The following GRIK5 variants were observed in gnomAD, a reference collection of about 807,000 sequenced individuals.
GRIK5 encodes glutamate ionotropic receptor kainate type subunit 5, also known as glutamate receptor ionotropic, kainate 5.
In GRIK5, 43 loss-of-function variants were observed where a neutral mutation model predicts 97.4. That is an observed-to-expected ratio of 0.44 (90% confidence interval 0.35 to 0.57). GRIK5 has a LOEUF of 0.57. GRIK5 is among the 20% of genes least tolerant of loss of function. GRIK5 has a pLI of 0.01. For synonymous variants in GRIK5, 580 were observed against 583.5 expected, an observed-to-expected ratio of 0.99 and a Z score of 0.09; for missense variants, 1,015 against 1,382.0, an observed-to-expected ratio of 0.73 and a Z score of 4.21.
rs1009364292 is a variant in GRIK5 at position 42,021,832 on chromosome 19, G to C, written c.1697+115C>G. The C allele has an allele frequency of 7.6e-6, 5 of 662,000 alleles. No individual in the cohort carries two copies. The South Asian group carries it at 9.5e-5, about 13-fold the overall frequency. The allele number at this position is 662,000 out of a possible 1,614,324, so 41.0% of individuals were successfully genotyped here. A position where few individuals can be genotyped will look rare whatever the true frequency, so the allele number is the denominator to read the frequency against. On this transcript the variant is annotated intron_variant, in intron 14 of 19. Transcript: ENST00000593562. The surrounding 1 kb of genome is among the most constrained non-coding windows in gnomAD (Gnocchi z 4.2). The stretch of plus-strand genomic sequence containing the variant: ...TGAGAAAGGAGGGCACAGGGAATCC[G>C]AGGCCCCAAAGGGGAGGCCAAGGAC...
rs1555872854 is a variant in GRIK5, at chr19:42,006,886, G to A, written c.1872-76C>T. ...GCCCCCGTGGCCATGCCCCCCATTGGTGGTGCCCCTCCCAAGTGACCCCAG... is the reference window on the plus strand; with the variant it reads ...GCCCCCGTGGCCATGCCCCCCATTGATGGTGCCCCTCCCAAGTGACCCCAG... On this transcript the variant is annotated intron_variant, in intron 15 of 19. Transcript: ENST00000593562. This position sits in a 1 kb window ranked among gnomAD's most constrained non-coding sequence, Gnocchi z 5.3. The A allele has an allele frequency of 9.0e-7, 1 of 1,110,906 alleles. No individual in the cohort carries two copies. Among genetic ancestry groups the A allele is most frequent in the East Asian group, 2.5e-5 (1 of 40,122 alleles). 68.8% of individuals were successfully genotyped at this position (1,110,906 alleles called of 1,614,324 possible). A position where few individuals can be genotyped will look rare whatever the true frequency, so the allele number is the denominator to read the frequency against.
Position 41,999,174 on chromosome 19 carries a change from G to A in GRIK5, c.2640C>T (p.Val880=), listed in dbSNP as rs1555870290. ...PSRALLSLRA[V]REMRLSNGKL... is the part of the protein sequence containing the mutation. ...TGCCGTTGCTGAGGCGCATCTCGCG[G>A]ACCGCGCGCAGTGACAGCAGGGCCC... The change falls in exon 20 of 20, where the codon GTC becomes GTT. Residue 880 remains valine, a synonymous_variant. Coordinates refer to ENST00000593562, the MANE Select transcript of GRIK5 (RefSeq NM_002088.5). The surrounding 1 kb of genome is among the most constrained non-coding windows in gnomAD (Gnocchi z 5.0). 5.3e-6 allele frequency: 8 copies of A among 1,507,930 alleles called. No homozygotes were observed. Among genetic ancestry groups the A allele is most frequent in the Non-Finnish European group, 6.2e-6 (7 of 1,136,480 alleles). 93.4% of individuals were successfully genotyped at this position (1,507,930 alleles called of 1,614,324 possible).
chr19:41,999,194 G>A lies in GRIK5; in HGVS notation c.2620C>T (p.Leu874=). The A allele has an allele frequency of 5.9e-6, 9 of 1,516,494 alleles. No homozygotes were observed. The highest frequency in any genetic ancestry group is 7.9e-6 in the Non-Finnish European group (9 of 1,139,552). The allele number at this position is 1,516,494 out of a possible 1,614,324, so 93.9% of individuals were successfully genotyped here. The change falls in exon 20 of 20, where the codon CTG becomes TTG. Residue 874 remains leucine, a synonymous_variant. Transcript: ENST00000593562. This position sits in a 1 kb window ranked among gnomAD's most constrained non-coding sequence, Gnocchi z 5.0. ...RRRPGGPSRA[L]LSLRAVREMR... ...TCGCGGACCGCGCGCAGTGACAGCA[G>A]GGCCCGGCTCGGGCCGCCCGGGCGT...
intron 15 of GRIK5, among the ~76,000 whole-genome samples, chr19:42,010,962 T>C (rs1266576459): frequency 6.6e-6 from 1 of 151,998 alleles, no homozygotes; most frequent in Non-Finnish European, 1.5e-5. Flanking sequence ...TGCATCACCA[T>C]GCCTGGCTAA....
At chr19:42,000,886 A>G (rs1227284299) in intron 19 of GRIK5, among the ~76,000 whole-genome samples, 1 of 151,994 alleles carries the variant, frequency 6.6e-6, no homozygotes, top group African/African-American at 2.4e-5. Flanking sequence ...ATGTGAGTGT[A>G]TTCATCATGT....
Position 42,042,945 on chromosome 19 carries a change from A to T in GRIK5, c.1270-190T>A. On this transcript the variant is annotated intron_variant, in intron 11 of 19. Transcript: ENST00000593562. This position sits in a 1 kb window ranked among gnomAD's most constrained non-coding sequence, Gnocchi z 6.9. ...AGACCTGAAAGCCAGGGAAAAACACATGGGTACTGCCAGTTCCTAGCAGAT... is the reference window on the plus strand; with the variant it reads ...AGACCTGAAAGCCAGGGAAAAACACTTGGGTACTGCCAGTTCCTAGCAGAT... 1 of 598,154 alleles carries T rather than the reference A, an allele frequency of 1.7e-6. No individual in the cohort carries two copies. The highest frequency in any genetic ancestry group is 1.9e-5 in the African/African-American group (1 of 53,966). The allele number at this position is 598,154 out of a possible 1,614,324, so 37.1% of individuals were successfully genotyped here. A position where few individuals can be genotyped will look rare whatever the true frequency, so the allele number is the denominator to read the frequency against.
At chr19:42,056,867 T>C (rs376842437) in intron 7 of GRIK5, 44 bp from the exon 8 acceptor site, 6 of 1,612,836 alleles carry the variant, frequency 3.7e-6, no homozygotes, top group Non-Finnish European at 5.1e-6. Context: ...TAAGCCCTAA[T>C]GGGACAGCTG....
At chr19:42,034,486 C>T (rs2075877656) in intron 12 of GRIK5, among the ~76,000 whole-genome samples, 1 of 152,032 alleles carries the variant, frequency 6.6e-6, no homozygotes, top group Non-Finnish European at 1.5e-5. Context: ...TTTTTCCCCT[C>T]AACCACACTT....
intron 11 of GRIK5, among the ~76,000 whole-genome samples, chr19:42,045,406 C>T (rs2076031140): frequency 6.6e-6 from 1 of 152,236 alleles, no homozygotes; most frequent in Non-Finnish European, 1.5e-5. Flanking sequence ...AGCCATTCTG[C>T]ACTTTCCAGT....
At chr19:42,056,850 C>CT (rs1438858850) in intron 7 of GRIK5, 27 bp from the exon 8 acceptor site, 19 of 1,613,864 alleles carry the variant, frequency 1.2e-5, no homozygotes, top group Middle Eastern at 1.6e-4. Context: ...GTGGTGAGGC[C>CT]TGGGGCTAAG....
At chr19:42,047,781 C>T (rs1444107469) in intron 11 of GRIK5, among the ~76,000 whole-genome samples, 1 of 151,692 alleles carries the variant, frequency 6.6e-6, no homozygotes, top group East Asian at 1.9e-4. Flanking sequence ...ACCAGCCTGG[C>T]CAATATGGTG....
chr19:42,029,167 A>G (rs944420906), intron 12 of GRIK5, among the ~76,000 whole-genome samples: 1 of 152,020 alleles, frequency 6.6e-6, no homozygotes, highest in Admixed American at 6.6e-5. Context: ...TCCTGGGTTC[A>G]AGCAATTCTC....
At position 42,065,708 on chromosome 19, in the gene GRIK5, G is replaced by C. The variant is rs765093956; in HGVS notation, c.63C>G (p.Leu21=). Reference sequence around the variant, plus strand: ...GGGCCTCACCCATGCGCAGTGATGAGAGCACCTGGCAGCTGGGGCTGGCGA... The same window carrying C: ...GGGCCTCACCCATGCGCAGTGATGACAGCACCTGGCAGCTGGGGCTGGCGA... ...VAFASPSCQV[L]SSLRMAAILD... The change falls in exon 2 of 20, where the codon CTC becomes CTG. Residue 21 remains leucine, a synonymous_variant. Coordinates refer to ENST00000593562, the MANE Select transcript of GRIK5 (RefSeq NM_002088.5). The surrounding 1 kb of genome is among the most constrained non-coding windows in gnomAD (Gnocchi z 5.8). 1.1e-5 allele frequency: 17 copies of C among 1,593,680 alleles called. No homozygotes were observed. Among genetic ancestry groups the C allele is most frequent in the East Asian group, 4.6e-5 (2 of 43,728 alleles).
intron 5 of GRIK5, among the ~76,000 whole-genome samples, chr19:42,060,858 C>T (rs1197599210): frequency 6.6e-6 from 1 of 151,998 alleles, no homozygotes; most frequent in East Asian, 1.9e-4. Flanking sequence ...ACGCCCATAC[C>T]ATTCTTCATA....
In GRIK5 at chr19:42,002,011, G is replaced by T; in HGVS notation, c.2514+1321C>A. On this transcript the variant is annotated intron_variant, in intron 19 of 19. Coordinates refer to ENST00000593562, the MANE Select transcript of GRIK5 (RefSeq NM_002088.5). The surrounding 1 kb of genome is among the most constrained non-coding windows in gnomAD (Gnocchi z 5.2). ...CGAGGGAGCCTGGGAAGGAGTGACC[G>T]GAGAAGTGGGAGAAGGGGAAGAAGG... is the stretch of plus-strand genomic sequence containing the variant. 1 of 626,336 alleles carries T rather than the reference G, an allele frequency of 1.6e-6. No homozygotes were observed. The allele number at this position is 626,336 out of a possible 1,614,324, so 38.8% of individuals were successfully genotyped here.
At chr19:42,025,068 C>A (rs953118138) in intron 12 of GRIK5, among the ~76,000 whole-genome samples, 2 of 152,170 alleles carry the variant, frequency 1.3e-5, no homozygotes, top group Non-Finnish European at 2.9e-5. Flanking sequence ...CCGCTGAAAC[C>A]CAGGAATGTT....
chr19:42,009,004 A>C (rs2075527066), intron 15 of GRIK5, among the ~76,000 whole-genome samples: 1 of 152,132 alleles, frequency 6.6e-6, no homozygotes, highest in African/African-American at 2.4e-5. Context: ...AGGCAGGAGG[A>C]TCACTTGAGG....
At chr19:42,031,101 G>A (rs2075835766) in intron 12 of GRIK5, among the ~76,000 whole-genome samples, 1 of 152,210 alleles carries the variant, frequency 6.6e-6, no homozygotes, top group African/African-American at 2.4e-5. Flanking sequence ...CAAGGGCTGT[G>A]CTGACTTGCT....
chr19:42,068,046 GGAAA>G (rs1293748736), intron 1 of GRIK5, among the ~76,000 whole-genome samples: 1 of 152,166 alleles, frequency 6.6e-6, no homozygotes. Context: ...CTTGGGAGAA[GGAAA>G]GAAATGGCCA....
Sources: allele counts gnomAD v4.1 joint callset (sites outside exome capture counted in the v4.1 genomes callset), GRCh38; gene constraint gnomAD v4.1.1; non-coding constraint Gnocchi (gnomAD v3.1); transcripts MANE v1.5; gene names NCBI Gene and HGNC (gene_info 2026-07-23, HGNC 2026-07-21).